The following TDRD7 variants were observed in gnomAD, a reference collection of about 807,000 sequenced individuals.
The protein encoded by TDRD7 is tudor domain-containing protein 7.
In TDRD7, 47 loss-of-function variants were observed where a neutral mutation model predicts 109.8. The observed-to-expected ratio is 0.43, with a 90% CI of 0.34 to 0.55. The LOEUF (loss-of-function observed/expected upper bound fraction) is 0.55. TDRD7 is among the 20% of genes least tolerant of loss of function. The pLI is 0.03. For synonymous variants in TDRD7, 424 were observed against 457.3 expected (o/e 0.93, Z 0.93); for missense variants, 1,164 against 1,319.2 (o/e 0.88, Z 1.82).
chr9:97,485,638 A>AT (rs1829199109), intron 15 of TDRD7, among the ~76,000 whole-genome samples: 3 of 152,144 alleles, frequency 2.0e-5, no homozygotes, highest in Admixed American at 1.3e-4. Context: ...TGAAGTTCTT[A>AT]TTTATAGTAG....
chr9:97,435,144 TAC>T (rs372668228), intron 4 of TDRD7, among the ~76,000 whole-genome samples: 3 of 152,048 alleles, frequency 2.0e-5, no homozygotes, highest in Non-Finnish European at 2.9e-5. Flanking sequence ...TGCACAGAAC[TAC>T]ACACACACAT....
At chr9:97,453,769 A>T (rs1209080494) in intron 6 of TDRD7, among the ~76,000 whole-genome samples, 2 of 152,218 alleles carry the variant, frequency 1.3e-5, no homozygotes, top group African/African-American at 4.8e-5. Context: ...GACAAAATGG[A>T]CTTTAAACCA....
intron 16 of TDRD7, among the ~76,000 whole-genome samples, chr9:97,489,256 A>C (rs1350766299): frequency 1.3e-5 from 2 of 152,122 alleles, no homozygotes; most frequent in Non-Finnish European, 2.9e-5. Context: ...ATCTCTACCT[A>C]TCAGAGTGGA....
At chr9:97,491,964 C>T (rs1363193104) in intron 16 of TDRD7, among the ~76,000 whole-genome samples, 1 of 152,146 alleles carries the variant, frequency 6.6e-6, no homozygotes, top group African/African-American at 2.4e-5. Context: ...GAGTTTTTAA[C>T]TCTCAGACTT....
chr9:97,469,340 G>T (rs1303663766), intron 8 of TDRD7, among the ~76,000 whole-genome samples: 1 of 152,214 alleles, frequency 6.6e-6, no homozygotes, highest in Non-Finnish European at 1.5e-5. Flanking sequence ...CTAAGTCAGT[G>T]TTGAGTCAGA....
chr9:97,494,082 G>A (rs1457882172), intron 16 of TDRD7, among the ~76,000 whole-genome samples: 5 of 151,954 alleles, frequency 3.3e-5, no homozygotes, highest in African/African-American at 9.7e-5. Context: ...TTAAAGTAAA[G>A]ACAGGCATAG....
At chr9:97,436,672 C>T (rs1421931629) in intron 4 of TDRD7, among the ~76,000 whole-genome samples, 3 of 151,978 alleles carry the variant, frequency 2.0e-5, no homozygotes, top group Admixed American at 2.0e-4. Context: ...CTTCTGTTTT[C>T]TTTTGTAATT....
At chr9:97,428,973 A>C (rs1828054434) in intron 2 of TDRD7, among the ~76,000 whole-genome samples, 1 of 152,240 alleles carries the variant, frequency 6.6e-6, no homozygotes, top group African/African-American at 2.4e-5. Flanking sequence ...CATAAATATC[A>C]CACCTGCCTA....
chr9:97,449,847 C>G (rs1828461699), intron 6 of TDRD7, among the ~76,000 whole-genome samples: 1 of 152,062 alleles, frequency 6.6e-6, no homozygotes, highest in Non-Finnish European at 1.5e-5. Context: ...TTTGGAGATT[C>G]CAGGGATTTT....
At chr9:97,443,316 G>A (rs1056530481) in intron 6 of TDRD7, among the ~76,000 whole-genome samples, 3 of 152,188 alleles carry the variant, frequency 2.0e-5, no homozygotes, top group Admixed American at 2.0e-4. Context: ...AGGACAATGT[G>A]ACAAATGTTA....
chr9:97,459,820 C>A (rs1323084242), intron 6 of TDRD7, among the ~76,000 whole-genome samples: 2 of 152,122 alleles, frequency 1.3e-5, no homozygotes, highest in Non-Finnish European at 2.9e-5. Flanking sequence ...GTTTTAATAC[C>A]TTTTCACAAC....
chr9:97,413,119 C>G (rs1211070831), intron 1 of TDRD7, among the ~76,000 whole-genome samples: 1 of 152,206 alleles, frequency 6.6e-6, no homozygotes, highest in Non-Finnish European at 1.5e-5. Flanking sequence ...AGTTCATTAA[C>G]CCTCCTACCA....
chr9:97,417,027 A>C (rs2118201088), intron 1 of TDRD7, among the ~76,000 whole-genome samples: 1 of 152,330 alleles, frequency 6.6e-6, no homozygotes, highest in South Asian at 2.1e-4. Context: ...TAGGGTGGCC[A>C]GAGAAGGCCT....
In TDRD7 at chr9:97,460,420, G is replaced by A; in HGVS notation, c.1098G>A (p.Glu366=). The A allele has an allele frequency of 1.2e-6, 2 of 1,614,182 alleles. No individual in the cohort carries two copies. The highest frequency in any genetic ancestry group is 2.2e-5 in the South Asian group (2 of 91,086). Residue 366 remains glutamate, a synonymous_variant, in exon 7 of 17, where the codon GAG becomes GAA. Coordinates refer to ENST00000355295, the MANE Select transcript of TDRD7 (RefSeq NM_014290.3). Reference sequence around the variant, plus strand: ...CCAGTGCACTTCCGAAAGCATTTGAGGAAATGTACAAAGTGAAATTCCCTG... The same window carrying A: ...CCAGTGCACTTCCGAAAGCATTTGAAGAAATGTACAAAGTGAAATTCCCTG... ...LWASALPKAF[E]EMYKVKFPED...
At chr9:97,453,179 A>G (rs559180874) in intron 6 of TDRD7, among the ~76,000 whole-genome samples, 2 of 152,312 alleles carry the variant, frequency 1.3e-5, no homozygotes, top group South Asian at 4.1e-4. Context: ...CCCACTTCAG[A>G]GAAAGTATTG....
intron 3 of TDRD7, among the ~76,000 whole-genome samples, 163 bp downstream of exon 3, chr9:97,431,237 A>C (rs1016784581): frequency 6.6e-6 from 1 of 152,234 alleles, no homozygotes; most frequent in African/African-American, 2.4e-5. Context: ...GAAATTCTTA[A>C]GTGAATGCGC....
At chr9:97,440,234 A>G (rs937011754) in intron 5 of TDRD7, among the ~76,000 whole-genome samples, 5 of 152,244 alleles carry the variant, frequency 3.3e-5, no homozygotes, top group African/African-American at 1.2e-4. Context: ...GACTTATTTC[A>G]GGAGGATTGC....
intron 12 of TDRD7, 81 bp downstream of exon 12, chr9:97,475,550 T>G: frequency 1.0e-6 from 1 of 980,908 alleles, no homozygotes; most frequent in Non-Finnish European, 1.6e-6. Flanking sequence ...TTTAAAAAAT[T>G]GAATAAATAC....
At position 97,478,458 on chromosome 9, in the gene TDRD7, G is replaced by C; in HGVS notation, c.2186G>C (p.Ser729Thr). The C allele has an allele frequency of 6.2e-7, 1 of 1,614,036 alleles. No individual in the cohort carries two copies. The highest frequency in any genetic ancestry group is 1.1e-5 in the South Asian group (1 of 91,088). ...LRVEITNVHSSRALDVQFLDS... is the reference protein window; with the variant it reads ...LRVEITNVHSTRALDVQFLDS... ...TTTCAGATCACAAATGTTCACAGCA[G>C]CCGGGCTCTTGATGTTCAGTTCCTG... The change falls in exon 13 of 17, where the codon AGC becomes ACC. Residue 729 changes from serine to threonine, a missense_variant. By Grantham distance (58) the Ser-to-Thr change is moderately conservative. Transcript: ENST00000355295.
Sources: allele counts gnomAD v4.1 joint callset (sites outside exome capture counted in the v4.1 genomes callset), GRCh38; gene constraint gnomAD v4.1.1; transcripts MANE v1.5; gene names NCBI Gene and HGNC (gene_info 2026-07-23, HGNC 2026-07-21).